Variants in GRID1 observed in about 807,000 individuals in gnomAD.
GRID1 encodes the protein glutamate ionotropic receptor delta type subunit 1, also known as glutamate receptor ionotropic, delta-1.
A neutral mutation model predicts 98.0 loss-of-function variants in GRID1; 28 were observed. That is an observed-to-expected ratio of 0.29 (90% CI 0.21 to 0.39). The LOEUF is 0.39. Ranked by LOEUF, GRID1 falls within the 10% of genes least tolerant of loss-of-function variation. GRID1 has a pLI of 1.00. For missense variants in GRID1, 1,111 were observed against 1,340.5 expected (o/e 0.83, Z 2.67); for synonymous variants, 553 against 538.5 (o/e 1.03, Z -0.37).
chr10:85,882,996 C>A (rs911741028), intron 5 of GRID1, among the ~76,000 whole-genome samples: 1 of 151,910 alleles, frequency 6.6e-6, no homozygotes, highest in Admixed American at 6.6e-5. Flanking sequence ...AAATTAGAAG[C>A]CTTAACATTG....
At chr10:85,935,763 G>A (rs562496254) in intron 4 of GRID1, among the ~76,000 whole-genome samples, 4 of 152,226 alleles carry the variant, frequency 2.6e-5, no homozygotes, top group East Asian at 3.9e-4. Context: ...TCTGTATTTC[G>A]GATGAGTAAA....
chr10:85,897,413 C>A (rs1326147663), intron 5 of GRID1, among the ~76,000 whole-genome samples: 1 of 152,178 alleles, frequency 6.6e-6, no homozygotes, highest in East Asian at 1.9e-4. Context: ...AGCCAGGAAA[C>A]CTCCAGGGAA....
At chr10:85,785,822 C>T (rs1227567698) in intron 8 of GRID1, among the ~76,000 whole-genome samples, 7 of 152,030 alleles carry the variant, frequency 4.6e-5, no homozygotes, top group Admixed American at 3.9e-4. Context: ...ATTGGCTCTC[C>T]TCCACCAGAA....
At chr10:85,732,702 C>T (rs10887522) in intron 8 of GRID1, among the ~76,000 whole-genome samples, 30,745 of 152,060 alleles carry the variant, frequency 0.2, 3,387 homozygotes, top group Middle Eastern at 0.28. Context: ...AGTGGGTACC[C>T]TTACAACAAA....
chr10:85,813,955 G>C, intron 8 of GRID1, among the ~76,000 whole-genome samples: 1 of 151,406 alleles, frequency 6.6e-6, no homozygotes, highest in East Asian at 1.9e-4. Context: ...AATATTGACA[G>C]AAAATACATA....
chr10:85,780,721 C>A (rs1842373943), intron 8 of GRID1, among the ~76,000 whole-genome samples: 1 of 152,202 alleles, frequency 6.6e-6, no homozygotes, highest in Admixed American at 6.5e-5. Flanking sequence ...TTCCACTCTG[C>A]CATGCTGTGG....
At chr10:86,074,225 G>A (rs935384615) in intron 4 of GRID1, among the ~76,000 whole-genome samples, 1 of 152,146 alleles carries the variant, frequency 6.6e-6, no homozygotes, top group African/African-American at 2.4e-5. Flanking sequence ...GTTAAGTATA[G>A]TCACCCTGCT....
intron 2 of GRID1, among the ~76,000 whole-genome samples, chr10:86,321,265 T>C (rs948364632): frequency 6.6e-6 from 1 of 152,130 alleles, no homozygotes; most frequent in African/African-American, 2.4e-5. Flanking sequence ...ATGGTAATTA[T>C]ATGAAATGAT....
chr10:85,743,460 TGAAAA>T (rs1168373558), intron 8 of GRID1, among the ~76,000 whole-genome samples: 1 of 152,118 alleles, frequency 6.6e-6, no homozygotes, highest in Non-Finnish European at 1.5e-5. Flanking sequence ...AATAGTAACT[TGAAAA>T]GAAGTTGGTC....
intron 4 of GRID1, among the ~76,000 whole-genome samples, chr10:86,097,420 G>A (rs558567445): frequency 6.6e-6 from 1 of 152,266 alleles, no homozygotes; most frequent in Non-Finnish European, 1.5e-5. Context: ...CTGGTAAAAG[G>A]AACACTTTTA....
At chr10:85,959,941 G>A (rs1372093099) in intron 4 of GRID1, among the ~76,000 whole-genome samples, 1 of 152,018 alleles carries the variant, frequency 6.6e-6, no homozygotes, top group Non-Finnish European at 1.5e-5. Flanking sequence ...GAGTGCAGTG[G>A]CACAATCTCG....
intron 4 of GRID1, among the ~76,000 whole-genome samples, chr10:85,919,205 G>A (rs1352467680): frequency 1.3e-5 from 2 of 152,216 alleles, no homozygotes; most frequent in African/African-American, 4.8e-5. Context: ...GAGACCCCAG[G>A]GAGCAGGTGG....
chr10:86,086,478 G>C (rs755331998), intron 4 of GRID1, among the ~76,000 whole-genome samples: 1 of 152,188 alleles, frequency 6.6e-6, no homozygotes, highest in Non-Finnish European at 1.5e-5. Flanking sequence ...AGGAAAGCGA[G>C]CCCAGGGAGA....
At chr10:85,746,991 C>T (rs1452727541) in intron 8 of GRID1, among the ~76,000 whole-genome samples, 1 of 152,124 alleles carries the variant, frequency 6.6e-6, no homozygotes, top group Admixed American at 6.6e-5. Context: ...ATGCTGCCTC[C>T]CATACAGTAG....
intron 13 of GRID1, among the ~76,000 whole-genome samples, chr10:85,634,291 T>TCTCTCTCTCTCTCTCTCTCTCTCACA (rs1162030685): frequency 9.7e-6 from 1 of 102,998 alleles, no homozygotes; most frequent in Non-Finnish European, 2.0e-5. Context: ...TCTCTCTCTC[T>TCTCTCTCTCTCTCTCTCTCTCTCACA]CACACACACA....
At chr10:86,053,496 C>T (rs55917721) in intron 4 of GRID1, among the ~76,000 whole-genome samples, 5,075 of 151,994 alleles carry the variant, frequency 0.033, 288 homozygotes, top group African/African-American at 0.11. Flanking sequence ...GTAGCTGGGA[C>T]TATAGGCATG....
At chr10:85,970,063 A>T (rs1208353956) in intron 4 of GRID1, among the ~76,000 whole-genome samples, 2 of 152,040 alleles carry the variant, frequency 1.3e-5, no homozygotes, top group Non-Finnish European at 1.5e-5. Context: ...CAACAAACTA[A>T]ATAAGCGAAC....
chr10:85,922,702 C>A (rs563306073), intron 4 of GRID1, among the ~76,000 whole-genome samples: 1 of 152,210 alleles, frequency 6.6e-6, no homozygotes, highest in South Asian at 2.1e-4. Context: ...AGGAGCGCAA[C>A]GCCCCTCCAT....
chr10:85,931,828 T>C (rs1841853997), intron 4 of GRID1, among the ~76,000 whole-genome samples: 1 of 152,162 alleles, frequency 6.6e-6, no homozygotes, highest in African/African-American at 2.4e-5. Flanking sequence ...AGGGTATGGG[T>C]GTGACTTGTG....
Sources: allele counts gnomAD v4.1 joint callset (sites outside exome capture counted in the v4.1 genomes callset), GRCh38; gene constraint gnomAD v4.1.1; transcripts MANE v1.5; gene names NCBI Gene and HGNC (gene_info 2026-07-23, HGNC 2026-07-21).